Variants in MINK1 observed in about 807,000 individuals in gnomAD.
The protein encoded by MINK1 is misshapen like kinase 1.
In MINK1, 46 loss-of-function variants were observed where a neutral mutation model predicts 178.4. That is an observed-to-expected ratio of 0.26 (90% CI 0.20 to 0.33). MINK1 has a LOEUF of 0.33. Ranked by LOEUF, MINK1 falls within the 10% of genes least tolerant of loss-of-function variation. MINK1 has a pLI of 1.00. For missense variants in MINK1, 1,366 were observed against 1,814.9 expected, an observed-to-expected ratio of 0.75 and a Z score of 4.49; for synonymous variants, 797 against 709.7, an observed-to-expected ratio of 1.12 and a Z score of -1.96.
rs1425244030 is a variant in MINK1, at chr17:4,895,794, C to G, written c.3326C>G (p.Thr1109Ser). The G allele has an allele frequency of 5.6e-6, 9 of 1,613,666 alleles. No individual in the cohort carries two copies. Among genetic ancestry groups the G allele is most frequent in the Non-Finnish European group, 6.8e-6 (8 of 1,179,834 alleles). Reference sequence around the variant, plus strand: ...GTGGAGAAGAAGCAGGGCTGGACCACCGTGGGGGACATGGAGGGCTGCGGG... The same window carrying G: ...GTGGAGAAGAAGCAGGGCTGGACCAGCGTGGGGGACATGGAGGGCTGCGGG... ...PEVEKKQGWT[T>S]VGDMEGCGHY... is the part of the protein sequence containing the mutation. The change falls in exon 27 of 32, where the codon ACC (threonine) becomes AGC (serine). Residue 1109 changes from threonine to serine, a missense_variant. Transcript: ENST00000355280. The surrounding 1 kb of genome is among the most constrained non-coding windows in gnomAD (Gnocchi z 4.3).
At chr17:4,897,081 C>T (rs1043863308) in intron 31 of MINK1, 123 bp from the exon 32 acceptor site, 3 of 926,472 alleles carry the variant, frequency 3.2e-6, no homozygotes, top group African/African-American at 1.6e-5. Context: ...CTGTGAGTCT[C>T]CTCCTGCAGT....
intron 4 of MINK1, among the ~76,000 whole-genome samples, chr17:4,882,732 A>G (rs566737575): frequency 6.6e-6 from 1 of 152,300 alleles, no homozygotes; most frequent in Non-Finnish European, 1.5e-5. Context: ...CTATAACCCC[A>G]GCACCCTCAC....
At chr17:4,877,244 G>A (rs1174644811) in intron 1 of MINK1, among the ~76,000 whole-genome samples, 4 of 152,050 alleles carry the variant, frequency 2.6e-5, no homozygotes, top group Admixed American at 2.0e-4. Context: ...CCTCCCGACC[G>A]CAGCTGTGTT....
At chr17:4,841,746 T>A (rs1206112480) in intron 1 of MINK1, among the ~76,000 whole-genome samples, 1 of 152,024 alleles carries the variant, frequency 6.6e-6, no homozygotes, top group Non-Finnish European at 1.5e-5. Context: ...GTAAGAGACA[T>A]GGATCTAAGT....
At chr17:4,853,399 GGGAGTGTGGTTGGT>G (rs1415035767) in intron 1 of MINK1, among the ~76,000 whole-genome samples, 1 of 100,702 alleles carries the variant, frequency 9.9e-6, no homozygotes. Context: ...GTGTGGTTGG[GGGAGTGTGGTTGGT>G]GGAGTGTGGT....
Position 4,892,384 on chromosome 17 carries a change from C to T in MINK1, c.2088-18C>T, listed in dbSNP as rs757017412. 3 of 1,545,566 alleles carry T rather than the reference C, an allele frequency of 1.9e-6. No individual in the cohort carries two copies. The Admixed American group carries it at 5.9e-5, about 30-fold the overall frequency. On this transcript the variant is annotated intron_variant, in intron 17 of 31. Coordinates refer to ENST00000355280, the MANE Select transcript of MINK1 (RefSeq NM_153827.5). ...GCCCCCCCGCCGCCCCCTCGGCACCCCTGTGCTCCCTTCACAGACCTCGCA... is the reference window on the plus strand; with the variant it reads ...GCCCCCCCGCCGCCCCCTCGGCACCTCTGTGCTCCCTTCACAGACCTCGCA...
chr17:4,891,951 A>C (rs1968864224), intron 16 of MINK1, among the ~76,000 whole-genome samples, 198 bp from the exon 17 acceptor site: 1 of 152,136 alleles, frequency 6.6e-6, no homozygotes, highest in Non-Finnish European at 1.5e-5. Flanking sequence ...GGGAGCGCTA[A>C]GGGGCAGACT....
At chr17:4,891,215 CA>C in intron 15 of MINK1, 91 bp downstream of exon 15, 3 of 1,181,312 alleles carry the variant, frequency 2.5e-6, no homozygotes, top group Non-Finnish European at 3.5e-6. Flanking sequence ...CACACACACA[CA>C]CACACACACC....
Position 4,886,733 on chromosome 17 carries a change from C to T in MINK1, c.949+107C>T. On this transcript the variant is annotated intron_variant, in intron 10 of 31. Coordinates refer to ENST00000355280, the MANE Select transcript of MINK1 (RefSeq NM_153827.5). This position sits in a 1 kb window ranked among gnomAD's most constrained non-coding sequence, Gnocchi z 6.1. ...ACCCCTTCCTGCTCCCCTCCTTGGC[C>T]CCAGCTCTCCCTGTCCAAGGAGATC... The T allele has an allele frequency of 8.2e-7, 1 of 1,226,668 alleles. No homozygotes were observed. The highest frequency in any genetic ancestry group is 1.1e-6 in the Non-Finnish European group (1 of 908,276). 76.0% of individuals were successfully genotyped at this position (1,226,668 alleles called of 1,614,324 possible). A position where few individuals can be genotyped will look rare whatever the true frequency, so the allele number is the denominator to read the frequency against.
chr17:4,834,879 C>T (rs1243618516), intron 1 of MINK1: 2 of 519,990 alleles, frequency 3.8e-6, no homozygotes, highest in African/African-American at 1.9e-5. Context: ...CACACAGGTG[C>T]CCCGGATATG....
In MINK1 at chr17:4,892,456, C is replaced by T. The variant is rs930465981; in HGVS notation, c.2142C>T (p.Gly714=). The change falls in exon 18 of 32, where the codon GGC becomes GGT. Residue 714 remains glycine, a synonymous_variant. Coordinates refer to ENST00000355280, the MANE Select transcript of MINK1 (RefSeq NM_153827.5). ...ATCTGCAAAGGCGGGCAGAGCGGGG[C>T]ACCCCAAAGCCTCCAGGGCCCCCTG... ...QIYLQRRAER[G]TPKPPGPPAQ... The T allele has an allele frequency of 1.3e-6, 2 of 1,564,258 alleles. No homozygotes were observed. The highest frequency in any genetic ancestry group is 2.4e-5 in the East Asian group (1 of 41,586).
rs541532220 is a variant in MINK1 at position 4,871,867 on chromosome 17, G to A, written c.58-6450G>A. On this transcript the variant is annotated intron_variant, in intron 1 of 31. Coordinates refer to ENST00000355280, the MANE Select transcript of MINK1 (RefSeq NM_153827.5). The stretch of plus-strand genomic sequence containing the variant: ...TCCATCCTTTTCTAGATGGGGTAGG[G>A]AGGTGATCTCACTCTGTTGCCCAGG... 4.6e-5 allele frequency among the ~76,000 whole-genome samples: 7 copies of A among 152,308 alleles called. No individual in the cohort carries two copies. The South Asian group carries it at 1.2e-3, about 27-fold the overall frequency.
Position 4,885,057 on chromosome 17 carries a change from T to A in MINK1, c.508+55T>A. 1.3e-6 allele frequency: 2 copies of A among 1,560,302 alleles called. No individual in the cohort carries two copies. Among genetic ancestry groups the A allele is most frequent in the South Asian group, 2.3e-5 (2 of 88,522 alleles). ...GACCTTTCACCTCCAGAACAGAGAATGAGGGGCCCCTTTTTCTCTCTGGTG... is the reference window on the plus strand; with the variant it reads ...GACCTTTCACCTCCAGAACAGAGAAAGAGGGGCCCCTTTTTCTCTCTGGTG... On this transcript the variant is annotated intron_variant, in intron 6 of 31. Transcript: ENST00000355280. This position sits in a 1 kb window ranked among gnomAD's most constrained non-coding sequence, Gnocchi z 5.0.
chr17:4,896,815 TG>T lies in MINK1; in HGVS notation c.3915+5del. 6.4e-7 allele frequency: 1 copy of T among 1,555,858 alleles called. No homozygotes were observed. The highest frequency in any genetic ancestry group is 8.7e-7 in the Non-Finnish European group (1 of 1,151,990). ...TTCCTGTGTGAGCGGAATGACAAGG[TG>T]GGAGGCTCCTTCCCTCTGAAAGCCC... On this transcript the variant is annotated splice_donor_region_variant and intron_variant, in intron 31 of 31. Coordinates refer to ENST00000355280, the MANE Select transcript of MINK1 (RefSeq NM_153827.5). This position sits in a 1 kb window ranked among gnomAD's most constrained non-coding sequence, Gnocchi z 4.6.
chr17:4,897,888 C>CCCTT lies in MINK1; in HGVS notation c.*604_*607dup, dbSNP rs1478245676. 1 of 150,990 alleles carries CCCTT rather than the reference C, an allele frequency of 6.6e-6. No homozygotes were observed. Among genetic ancestry groups the CCCTT allele is most frequent in the African/African-American group, 2.4e-5 (1 of 41,274 alleles). 9.4% of individuals were successfully genotyped at this position (150,990 alleles called of 1,614,324 possible). ...CCCCCCTCTCCTCTTCTAGCCCATG[C>CCCTT]CCTTCCCCGGTGGAGGGAGGGAGCA... On this transcript the variant is annotated 3_prime_UTR_variant, in exon 32 of 32. Transcript: ENST00000355280.
At chr17:4,891,386 C>T in intron 15 of MINK1, 70 bp from the exon 16 acceptor site, 1 of 1,498,782 alleles carries the variant, frequency 6.7e-7, no homozygotes, top group African/African-American at 1.4e-5. Flanking sequence ...TTTCCCACCC[C>T]AGACCCCAAT....
intron 1 of MINK1, chr17:4,844,431 C>G: frequency 2.3e-6 from 1 of 431,958 alleles, no homozygotes; most frequent in Non-Finnish European, 4.6e-6. Flanking sequence ...GGAATATGGC[C>G]TGTTTCATGG....
rs766992690 is a variant in MINK1 at position 4,884,488 on chromosome 17, C to A, written c.417+15C>A. ...AGATCCTCAGGGTGAGCTCAAGGCC[C>A]CTCCCCTTGTCTTCTCCTCCGCTAC... is the stretch of plus-strand genomic sequence containing the variant. On this transcript the variant is annotated intron_variant, in intron 5 of 31. Transcript: ENST00000355280. 1 of 1,583,166 alleles carries A rather than the reference C, an allele frequency of 6.3e-7. No homozygotes were observed. Among genetic ancestry groups the A allele is most frequent in the Non-Finnish European group, 8.7e-7 (1 of 1,152,146 alleles).
At position 4,890,999 on chromosome 17, in the gene MINK1, A is replaced by G. The variant is rs1255500861; in HGVS notation, c.1615A>G (p.Lys539Glu). 3 of 1,560,892 alleles carry G rather than the reference A, an allele frequency of 1.9e-6. No homozygotes were observed. Among genetic ancestry groups the G allele is most frequent in the Non-Finnish European group, 2.6e-6 (3 of 1,152,530 alleles). The change falls in exon 15 of 32, where the codon AAG (lysine) becomes GAG (glutamate). Residue 539 changes from lysine to glutamate, a missense_variant. By Grantham distance (56) the Lys-to-Glu change is moderately conservative. Coordinates refer to ENST00000355280, the MANE Select transcript of MINK1 (RefSeq NM_153827.5). ...MNKQQNSPLA[K>E]SKPGSTGPEP... ...CAAGCAGCAGAACTCTCCCTTGGCCAAGAGCAAGCCAGGCAGCACGGGGCC... is the reference window on the plus strand; with the variant it reads ...CAAGCAGCAGAACTCTCCCTTGGCCGAGAGCAAGCCAGGCAGCACGGGGCC...
Sources: allele counts gnomAD v4.1 joint callset (sites outside exome capture counted in the v4.1 genomes callset), GRCh38; gene constraint gnomAD v4.1.1; non-coding constraint Gnocchi (gnomAD v3.1); transcripts MANE v1.5; gene names NCBI Gene and HGNC (gene_info 2026-07-23, HGNC 2026-07-21).